Variants in ZNF331 observed in about 807,000 individuals in gnomAD.
ZNF331 encodes zinc finger protein 331, also known as C2H2-like zinc finger protein rearranged in thyroid adenomas.
Under a neutral mutation model 7.0 loss-of-function variants are expected in ZNF331, and 2 were observed. That is an observed-to-expected ratio of 0.29 (90% confidence interval 0.12 to 0.90). The LOEUF (loss-of-function observed/expected upper bound fraction) is 0.90, where lower values mean the gene tolerates loss of function less well. Ranked by LOEUF, ZNF331 falls within the 40% of genes least tolerant of loss-of-function variation. The pLI is 0.58. For synonymous variants in ZNF331, 196 were observed against 205.4 expected, an observed-to-expected ratio of 0.95 and a Z score of 0.39; for missense variants, 432 against 587.7, an observed-to-expected ratio of 0.74 and a Z score of 2.74.
intron 2 of ZNF331, among the ~76,000 whole-genome samples, chr19:53,553,174 C>T (rs1303710292): frequency 6.6e-6 from 1 of 151,726 alleles, no homozygotes; most frequent in Non-Finnish European, 1.5e-5. Flanking sequence ...CTGTACTCTA[C>T]TGTGATATTT....
chr19:53,520,394 ACGG>A (rs2087022018), upstream of ZNF331, among the ~76,000 whole-genome samples: 1 of 152,080 alleles, frequency 6.6e-6, no homozygotes, highest in African/African-American at 2.4e-5. Context: ...TTCCCTATGG[ACGG>A]ATCCCAAATG....
chr19:53,564,875 T>A (rs1360998038), intron 3 of ZNF331, among the ~76,000 whole-genome samples: 2 of 152,240 alleles, frequency 1.3e-5, no homozygotes, highest in African/African-American at 4.8e-5. Flanking sequence ...GACCACTGTC[T>A]AGTATTTCTT....
In ZNF331 at chr19:53,571,780, C is replaced by T. The variant is rs372636072; in HGVS notation, c.136+50C>T. On this transcript the variant is annotated intron_variant, in intron 5 of 5. Coordinates refer to ENST00000449416, the MANE Select transcript of ZNF331 (RefSeq NM_001079906.2). This position sits in a 1 kb window ranked among gnomAD's most constrained non-coding sequence, Gnocchi z 4.7. ...TAGACTGCCTCCTGGAATATCCGCT[C>T]TCCCCTGTGAATTTCAGGACCGCCT... 1.3e-6 allele frequency: 2 copies of T among 1,550,206 alleles called. No homozygotes were observed. The highest frequency in any genetic ancestry group is 4.6e-5 in the East Asian group (2 of 43,794).
intron 3 of ZNF331, among the ~76,000 whole-genome samples, chr19:53,564,288 T>C (rs1439682400): frequency 6.6e-6 from 1 of 151,934 alleles, no homozygotes; most frequent in Non-Finnish European, 1.5e-5. Context: ...TATTTTATTT[T>C]ATTTTTTTTG....
At chr19:53,516,348 G>A (rs2086903107), upstream of ZNF331, among the ~76,000 whole-genome samples, 2 of 151,812 alleles carry the variant, frequency 1.3e-5, no homozygotes, top group East Asian at 1.9e-4. Flanking sequence ...TACTCAGGAG[G>A]CTGAGGCAGG....
the ZNF331 span, chr19:53,512,711 G>C: frequency 6.7e-6 from 1 of 149,912 alleles, no homozygotes; most frequent in Non-Finnish European, 1.5e-5. Flanking sequence ...CAGTGGGTGA[G>C]GGCGCATGAC....
chr19:53,531,572 C>G (rs2087541656), intron 2 of ZNF331, among the ~76,000 whole-genome samples: 1 of 152,160 alleles, frequency 6.6e-6, no homozygotes, highest in Admixed American at 6.5e-5. Flanking sequence ...TTTCCCTAAG[C>G]CTGATTTTCA....
chr19:53,518,910 T>A (rs975412621), upstream of ZNF331, among the ~76,000 whole-genome samples: 3 of 152,248 alleles, frequency 2.0e-5, no homozygotes, highest in South Asian at 6.2e-4. Context: ...GCTCCTTTTA[T>A]GGCCACAGAG....
At chr19:53,555,292 T>C (rs12973420) in intron 2 of ZNF331, 2,053 of 69,294 alleles carry the variant, frequency 0.03, 9 homozygotes, top group Non-Finnish European at 0.043. Context: ...CAACCTGTAG[T>C]TCCAGCGTCT....
intron 2 of ZNF331, among the ~76,000 whole-genome samples, chr19:53,540,956 C>T (rs1420896663): frequency 6.6e-6 from 1 of 152,180 alleles, no homozygotes; most frequent in Non-Finnish European, 1.5e-5. Flanking sequence ...TCAGGATAAT[C>T]TTCCCTATTT....
chr19:53,507,974 C>T, the ZNF331 span, among the ~76,000 whole-genome samples: 1 of 152,180 alleles, frequency 6.6e-6, no homozygotes, highest in Admixed American at 6.5e-5. Flanking sequence ...CCACTGCCCA[C>T]ATTCTAGCTG....
chr19:53,558,927 CATACACACCATACACACAT>C lies in ZNF331; in HGVS notation c.-74+3027_-74+3045del, dbSNP rs2089610835. 8.4e-6 allele frequency among the ~76,000 whole-genome samples: 1 copy of C among 118,854 alleles called. No homozygotes were observed. Among genetic ancestry groups the C allele is most frequent in the Non-Finnish European group, 1.7e-5 (1 of 60,524 alleles). 78.0% of individuals were successfully genotyped at this position (118,854 alleles called of 152,430 possible). A position where few individuals can be genotyped will look rare whatever the true frequency, so the allele number is the denominator to read the frequency against. On this transcript the variant is annotated intron_variant, in intron 3 of 5. Transcript: ENST00000449416. The surrounding 1 kb of genome is among the most constrained non-coding windows in gnomAD (Gnocchi z 4.5). ...ATACACACCTACATATATACACACACATACACACCATACACACATATACACATACCATATACACACCATA... is the reference window on the plus strand; with the variant it reads ...ATACACACCTACATATATACACACACATACACATACCATATACACACCATA...
chr19:53,530,121 C>T (rs2087473832), intron 2 of ZNF331, among the ~76,000 whole-genome samples: 2 of 152,134 alleles, frequency 1.3e-5, no homozygotes, highest in Admixed American at 1.3e-4. Flanking sequence ...GGAGCAGGCA[C>T]GTCACATGGC....
At chr19:53,569,771 TC>T (rs1408777474) in intron 4 of ZNF331, among the ~76,000 whole-genome samples, 1 of 152,182 alleles carries the variant, frequency 6.6e-6, no homozygotes, top group Non-Finnish European at 1.5e-5. Context: ...ATGCTCATAT[TC>T]GCCGGTCTGT....
At chr19:53,566,996 C>CGT (rs1046093397) in intron 3 of ZNF331, among the ~76,000 whole-genome samples, 5 of 151,792 alleles carry the variant, frequency 3.3e-5, no homozygotes, top group East Asian at 1.9e-4. Context: ...TAGACAGATG[C>CGT]GTGTGTGTGT....
chr19:53,572,781 G>A (rs1012145615), intron 5 of ZNF331, among the ~76,000 whole-genome samples: 3 of 151,960 alleles, frequency 2.0e-5, no homozygotes. Context: ...TTTTGGAGAT[G>A]AGGATACTGA....
the ZNF331 span, chr19:53,503,740 G>A: frequency 4.3e-6 from 3 of 700,484 alleles, no homozygotes; most frequent in Non-Finnish European, 7.8e-6. Context: ...GCTCAGGTGG[G>A]CAGAGCTTAA....
intron 3 of ZNF331, among the ~76,000 whole-genome samples, chr19:53,568,004 G>A (rs938920121): frequency 7.2e-5 from 11 of 152,024 alleles, no homozygotes; most frequent in Non-Finnish European, 1.5e-4. Flanking sequence ...TAATCCCAAC[G>A]CTTTGGGAGG....
At chr19:53,520,782 A>G (rs1335134765), upstream of ZNF331, among the ~76,000 whole-genome samples, 1 of 152,098 alleles carries the variant, frequency 6.6e-6, no homozygotes. Context: ...GTTATGAGCT[A>G]CATTTCCCAG....
Sources: gnomAD v4.1 joint callset for allele counts (sites outside exome capture counted in the v4.1 genomes callset) on GRCh38, gnomAD v4.1.1 for gene constraint, Gnocchi (gnomAD v3.1) non-coding constraint, MANE v1.5 for transcripts, NCBI Gene and HGNC (gene_info 2026-07-23, HGNC 2026-07-21) for gene names.